Variants in RPL13 observed in about 807,000 individuals in gnomAD.
The protein encoded by RPL13 is ribosomal protein L13.
RPL13 carries 1 observed loss-of-function variant against 21.4 expected under a neutral mutation model. That is an observed-to-expected ratio of 0.05 (90% CI 0.02 to 0.22). RPL13 has a LOEUF of 0.22. Among genes scored for constraint, RPL13 ranks in the 10% least tolerant of loss-of-function variants. The pLI, the probability that RPL13 is intolerant of heterozygous loss-of-function variation, is 1.00. For missense variants in RPL13, 289 were observed against 303.0 expected (o/e 0.95, Z 0.34); for synonymous variants, 143 against 120.5 (o/e 1.19, Z -1.23).
Position 89,560,703 on chromosome 16 carries a change from T to G in RPL13, c.-30T>G, listed in dbSNP as rs1210877818. ...CTTCCTTTCCGCTCGGCTGTTTTCC[T>G]GCGCAGGAGGTGAGGGAGACTGGGT... On this transcript the variant is annotated 5_prime_UTR_variant, in exon 1 of 6. Transcript: ENST00000311528. 2.4e-6 allele frequency: 1 copy of G among 418,634 alleles called. No homozygotes were observed. The highest frequency in any genetic ancestry group is 4.2e-5 in the East Asian group (1 of 24,060). The allele number at this position is 418,634 out of a possible 1,614,324, so 25.9% of individuals were successfully genotyped here. A position where few individuals can be genotyped will look rare whatever the true frequency, so the allele number is the denominator to read the frequency against.
At chr16:89,560,883 CG>C (rs906512934) in intron 1 of RPL13, 56 bp from the exon 2 acceptor site, 65 of 1,351,398 alleles carry the variant, frequency 4.8e-5, no homozygotes, top group Middle Eastern at 2.5e-4. Context: ...GGCGGAGGCC[CG>C]GGGGGGTGCG....
In RPL13 at chr16:89,562,407, C is replaced by T. The variant is rs189476354; in HGVS notation, c.477+16C>T. 1.1e-5 allele frequency: 17 copies of T among 1,608,954 alleles called. No homozygotes were observed. In the African/African-American group the frequency reaches 1.3e-4, roughly 13 times the overall value. ...CGTCCGGAACGTAAGTGAACACTTA[C>T]TCAAATCCAGGCTTCAGACGAGATC... is the stretch of plus-strand genomic sequence containing the variant. On this transcript the variant is annotated intron_variant, in intron 5 of 5. Transcript: ENST00000311528.
In RPL13 at chr16:89,562,955, T is replaced by C. The variant is rs1342437034; in HGVS notation, c.549T>C (p.Arg183=). ...ATTTCAAAGCCTTCGCTAGTCTCCG[T>C]ATGGCCCGTGCCAACGCCCGGCTCT... ...EKNFKAFASL[R]MARANARLFG... Residue 183 remains arginine, a synonymous_variant, in exon 6 of 6, where the codon CGT becomes CGC. Coordinates refer to ENST00000311528, the MANE Select transcript of RPL13 (RefSeq NM_000977.4). 2 of 1,600,622 alleles carry C rather than the reference T, an allele frequency of 1.2e-6. No individual in the cohort carries two copies. Among genetic ancestry groups the C allele is most frequent in the African/African-American group, 2.7e-5 (2 of 74,026 alleles).
chr16:89,562,919 G>C lies in RPL13; in HGVS notation c.513G>C (p.Glu171Asp). 6.3e-7 allele frequency: 1 copy of C among 1,592,376 alleles called. No homozygotes were observed. The highest frequency in any genetic ancestry group is 8.5e-7 in the Non-Finnish European group (1 of 1,171,470). Residue 171 changes from glutamate to aspartate, a missense_variant, in exon 6 of 6, where the codon GAG becomes GAC. Physicochemically the swap from Glu to Asp is conservative, Grantham distance 45. Coordinates refer to ENST00000311528, the MANE Select transcript of RPL13 (RefSeq NM_000977.4). ...AGGAGAAAGCTCGAGTCATCACTGAGGAAGAGAAGAATTTCAAAGCCTTCG... is the reference window on the plus strand; with the variant it reads ...AGGAGAAAGCTCGAGTCATCACTGACGAAGAGAAGAATTTCAAAGCCTTCG... ...YKKEKARVIT[E>D]EEKNFKAFAS... is the part of the protein sequence containing the mutation.
chr16:89,562,186 T>C, intron 4 of RPL13, 149 bp from the exon 5 acceptor site: 1 of 729,360 alleles, frequency 1.4e-6, no homozygotes, highest in Non-Finnish European at 2.4e-6. Context: ...GGACTGTTCT[T>C]AACATTGGGG....
rs1364010250 is a variant in RPL13 at position 89,561,216 on chromosome 16, C to T, written c.105-11C>T. On this transcript the variant is annotated splice_polypyrimidine_tract_variant and intron_variant, in intron 2 of 5. Coordinates refer to ENST00000311528, the MANE Select transcript of RPL13 (RefSeq NM_000977.4). ...GGCAAGGGTGACCGCCGCTGCGCTT[C>T]TCTCCACCAGACGTAAGGCCCGGCA... 3.9e-6 allele frequency: 6 copies of T among 1,539,584 alleles called. No individual in the cohort carries two copies. In the African/African-American group the frequency reaches 4.1e-5, roughly 11 times the overall value.
rs940978366 is a variant in RPL13, at chr16:89,562,360, A to G, written c.446A>G (p.Gln149Arg). ...SSAEELKLAT[Q>R]LTGPVMPVRN... ...GCTGAAGAACTGAAACTGGCCACCC[A>G]GCTGACCGGACCGGTCATGCCCGTC... The change falls in exon 5 of 6, where the codon CAG (glutamine) becomes CGG (arginine). Residue 149 changes from glutamine to arginine, a missense_variant. Coordinates refer to ENST00000311528, the MANE Select transcript of RPL13 (RefSeq NM_000977.4). 1.9e-6 allele frequency: 3 copies of G among 1,613,174 alleles called. No individual in the cohort carries two copies. Among genetic ancestry groups the G allele is most frequent in the South Asian group, 1.1e-5 (1 of 90,966 alleles).
At chr16:89,566,052 GA>G (rs2058786720), downstream of RPL13, 1 of 152,240 alleles carries the variant, frequency 6.6e-6, no homozygotes, top group African/African-American at 2.4e-5. Flanking sequence ...CGCCCCCGGG[GA>G]GCACGGGCTG....
chr16:89,562,373 G>C lies in RPL13; in HGVS notation c.459G>C (p.Pro153=). Residue 153 remains proline, a synonymous_variant, in exon 5 of 6, where the codon CCG becomes CCC. Transcript: ENST00000311528. ...ELKLATQLTG[P]VMPVRNVYKK... is the part of the protein sequence containing the mutation. ...AACTGGCCACCCAGCTGACCGGACC[G>C]GTCATGCCCGTCCGGAACGTAAGTG... is the stretch of plus-strand genomic sequence containing the variant. The C allele has an allele frequency of 6.2e-7, 1 of 1,612,452 alleles. No homozygotes were observed. Among genetic ancestry groups the C allele is most frequent in the Non-Finnish European group, 8.5e-7 (1 of 1,179,690 alleles).
rs370011382 is a variant in RPL13 at position 89,561,701 on chromosome 16, C to T, written c.370C>T (p.Leu124Phe). The change falls in exon 4 of 6, where the codon CTC becomes TTC. Residue 124 changes from leucine (L) to phenylalanine (F), a missense_variant. Coordinates refer to ENST00000311528, the MANE Select transcript of RPL13 (RefSeq NM_000977.4). ...VQRLKEYRSK[L>F]ILFPRKPSAP... The stretch of plus-strand genomic sequence containing the variant: ...GCGGCTGAAGGAGTACCGCTCCAAA[C>T]TCATCCTCTTCCCCAGGAAGCCCTC... 1 of 1,613,790 alleles carries T rather than the reference C, an allele frequency of 6.2e-7. No individual in the cohort carries two copies. The highest frequency in any genetic ancestry group is 8.5e-7 in the Non-Finnish European group (1 of 1,180,040).
rs1309271251 is a variant in RPL13 at position 89,563,676 on chromosome 16, C to T, written c.*634C>T. ...AACTCATGGCCTCAAGCAGTCCTCC[C>T]TCAGCCTCCCAAGTAGAGGGGTTTA... On this transcript the variant is annotated 3_prime_UTR_variant, in exon 6 of 6. Transcript: ENST00000311528. 2 of 152,242 alleles carry T rather than the reference C, an allele frequency of 1.3e-5. No individual in the cohort carries two copies. The highest frequency in any genetic ancestry group is 2.4e-5 in the African/African-American group (1 of 41,454). 9.4% of individuals were successfully genotyped at this position (152,242 alleles called of 1,614,324 possible).
At chr16:89,566,689 T>C (rs2058794426), downstream of RPL13, 1 of 151,918 alleles carries the variant, frequency 6.6e-6, no homozygotes, top group Admixed American at 6.6e-5. Context: ...AAAACTATTA[T>C]GCAGTAGTTT....
Position 89,563,626 on chromosome 16 carries a change from A to G in RPL13, c.*584A>G, listed in dbSNP as rs1016997467. 10 of 151,258 alleles carry G rather than the reference A, an allele frequency of 6.6e-5. No homozygotes were observed. Among genetic ancestry groups the G allele is most frequent in the African/African-American group, 2.4e-4 (10 of 41,192 alleles). 9.4% of individuals were successfully genotyped at this position (151,258 alleles called of 1,614,324 possible). A position where few individuals can be genotyped will look rare whatever the true frequency, so the allele number is the denominator to read the frequency against. On this transcript the variant is annotated 3_prime_UTR_variant, in exon 6 of 6. Coordinates refer to ENST00000311528, the MANE Select transcript of RPL13 (RefSeq NM_000977.4). ...GGCACCCAGGCTGGAGTACAGTGCC[A>G]CAATCATGGCTCACTGCAGTCTTGA...
rs1406869092 is a variant in RPL13, at chr16:89,563,604, ACC to A, written c.*564_*565del. 6.6e-6 allele frequency: 1 copy of A among 150,766 alleles called. No homozygotes were observed. Among genetic ancestry groups the A allele is most frequent in the African/African-American group, 2.4e-5 (1 of 41,104 alleles). 9.3% of individuals were successfully genotyped at this position (150,766 alleles called of 1,614,324 possible). A position where few individuals can be genotyped will look rare whatever the true frequency, so the allele number is the denominator to read the frequency against. On this transcript the variant is annotated 3_prime_UTR_variant, in exon 6 of 6. Transcript: ENST00000311528. ...AAAAAAAAGAGACAGGGTCTTCGGCACCCAGGCTGGAGTACAGTGCCACAATC... is the reference window on the plus strand; with the variant it reads ...AAAAAAAAGAGACAGGGTCTTCGGCACAGGCTGGAGTACAGTGCCACAATC...
rs373412678 is a variant in RPL13 at position 89,561,486 on chromosome 16, C to G, written c.247-92C>G. 3.7e-6 allele frequency: 6 copies of G among 1,611,928 alleles called. No homozygotes were observed. The African/African-American group carries it at 5.3e-5, about 14-fold the overall frequency. On this transcript the variant is annotated intron_variant, in intron 3 of 5. Transcript: ENST00000311528. ...GGCCTTGATGAAAGCACATTTGAAC[C>G]CTTTTCCATCTGATTGCTGAGGCTT...
At position 89,564,010 on chromosome 16, in the gene RPL13, T is replaced by G. The variant is rs2058764787; in HGVS notation, c.*968T>G. The G allele has an allele frequency of 6.6e-6, 1 of 152,210 alleles. No homozygotes were observed. The highest frequency in any genetic ancestry group is 2.1e-4 in the South Asian group (1 of 4,830). The allele number at this position is 152,210 out of a possible 1,614,324, so 9.4% of individuals were successfully genotyped here. A position where few individuals can be genotyped will look rare whatever the true frequency, so the allele number is the denominator to read the frequency against. On this transcript the variant is annotated 3_prime_UTR_variant, in exon 6 of 6. Transcript: ENST00000311528. ...GCCCTGGTCTGAGCTGGCATCCCCA[T>G]GTCTTCTGTGTCCGAGGGCAGCATG...
At chr16:89,562,077 T>C (rs1426997939) in intron 4 of RPL13, 5 of 585,894 alleles carry the variant, frequency 8.5e-6, no homozygotes, top group Non-Finnish European at 1.2e-5. Context: ...GTAGTTAAAT[T>C]AGGGAACAGT....
At chr16:89,562,718 T>C in intron 5 of RPL13, 166 bp from the exon 6 acceptor site, 1 of 691,320 alleles carries the variant, frequency 1.4e-6, no homozygotes, top group Non-Finnish European at 2.3e-6. Context: ...TTCTTTTTTT[T>C]TTTAAATCCC....
chr16:89,562,502 G>A, intron 5 of RPL13, 111 bp downstream of exon 5: 1 of 1,016,790 alleles, frequency 9.8e-7, no homozygotes, highest in Non-Finnish European at 1.5e-6. Flanking sequence ...AATAGTGGCA[G>A]TTGTGGGTGT....
Sources: allele counts gnomAD v4.1 joint callset, GRCh38; gene constraint gnomAD v4.1.1; transcripts MANE v1.5; gene names NCBI Gene and HGNC (gene_info 2026-07-23, HGNC 2026-07-21).